Variants in VPS13C observed in about 807,000 individuals in gnomAD.
VPS13C encodes vacuolar protein sorting 13 homolog C.
VPS13C carries 358 observed loss-of-function variants against 456.8 expected under a neutral mutation model. That is an observed-to-expected ratio of 0.78 (90% CI 0.72 to 0.86). The LOEUF (loss-of-function observed/expected upper bound fraction) is 0.86, where lower values mean the gene tolerates loss of function less well. Ranked by LOEUF, VPS13C falls within the 40% of genes least tolerant of loss-of-function variation. VPS13C has a pLI of 0.00. For synonymous variants in VPS13C, 1,578 were observed against 1,486.7 expected (o/e 1.06, Z -1.41); for missense variants, 4,818 against 4,385.4 (o/e 1.10, Z -2.79).
rs1596300027 is a variant in VPS13C at position 61,892,933 on chromosome 15, TAC to T, written c.9106-2535_9106-2534del. 2.0e-5 allele frequency among the ~76,000 whole-genome samples: 3 copies of T among 151,736 alleles called. 1 individual carries two copies. In the East Asian group the frequency reaches 5.8e-4, roughly 29 times the overall value. On this transcript the variant is annotated intron_variant, in intron 66 of 84. Transcript: ENST00000644861. ...AGCTCTAAGACAGGCTATTGGAAAA[TAC>T]ACAGAGGAGAAAACAGAATAAAAAA...
chr15:61,881,817 C>G lies in VPS13C; in HGVS notation c.9636G>C (p.Gln3212His), dbSNP rs1446762567. ...CAACAGGGAACATTGCACCTGGTAACTGATTATCAACCTGAAAGAAAAGAA... is the reference window on the plus strand; with the variant it reads ...CAACAGGGAACATTGCACCTGGTAAGTGATTATCAACCTGAAAGAAAAGAA... ...ARLYWLQVDN[Q>H]LPGAMFPVVF... is the part of the protein sequence containing the mutation. Residue 3212 changes from glutamine to histidine, a missense_variant, in exon 70 of 85, where the codon CAG becomes CAC. Gln to His is a conservative substitution (Grantham distance 24). This residue lies in a region of VPS13C where 4,552 missense variants were observed against 4,130.6 expected (regional missense o/e 1.10). Transcript: ENST00000644861. 82 of 1,589,450 alleles carry G rather than the reference C, an allele frequency of 5.2e-5. No homozygotes were observed. Among genetic ancestry groups the G allele is most frequent in the Non-Finnish European group, 7.0e-5 (82 of 1,174,012 alleles).
intron 49 of VPS13C, among the ~76,000 whole-genome samples, chr15:61,932,919 C>G (rs2044109413): frequency 6.6e-6 from 1 of 151,928 alleles, no homozygotes; most frequent in Non-Finnish European, 1.5e-5. Context: ...ATATGAAATT[C>G]AGATTATATA....
intron 67 of VPS13C, among the ~76,000 whole-genome samples, chr15:61,888,575 A>G (rs930451672): frequency 4.6e-5 from 7 of 152,184 alleles, no homozygotes; most frequent in African/African-American, 1.4e-4. Flanking sequence ...TTAAAAGCAT[A>G]TTGCTAAGTG....
In VPS13C at chr15:61,853,487, T is replaced by C. The variant is rs11555594; in HGVS notation, c.*970A>G. The C allele has an allele frequency of 6.9e-3, 1,046 of 152,258 alleles. 9 individuals are homozygous for C. The highest frequency in any genetic ancestry group is 0.024 in the African/African-American group (1,003 of 41,542). The allele number at this position is 152,258 out of a possible 1,614,324, so 9.4% of individuals were successfully genotyped here. ...GAATGCTACATTACAGAGGGCAGAG[T>C]GTAGCTATTTTAAGGTTTGATTGTC... On this transcript the variant is annotated 3_prime_UTR_variant, in exon 85 of 85. Coordinates refer to ENST00000644861, the MANE Select transcript of VPS13C (RefSeq NM_020821.3).
intron 24 of VPS13C, among the ~76,000 whole-genome samples, 195 bp downstream of exon 24, chr15:61,976,887 C>A (rs1332651259): frequency 6.6e-6 from 1 of 151,844 alleles, no homozygotes; most frequent in Non-Finnish European, 1.5e-5. Context: ...ATGTAAAAGT[C>A]CAAATATTTC....
intron 16 of VPS13C, among the ~76,000 whole-genome samples, chr15:61,998,535 G>C (rs2046472547): frequency 6.6e-6 from 1 of 152,092 alleles, no homozygotes; most frequent in South Asian, 2.1e-4. Context: ...ATAACCCTAA[G>C]ACATAGGTAC....
chr15:61,885,408 T>C (rs955031960), intron 67 of VPS13C, among the ~76,000 whole-genome samples: 2 of 152,062 alleles, frequency 1.3e-5, no homozygotes, highest in African/African-American at 4.8e-5. Context: ...GTCATAGTGG[T>C]TGAGGGTGGT....
At chr15:62,002,109 G>C (rs953781817) in intron 15 of VPS13C, among the ~76,000 whole-genome samples, 1 of 152,134 alleles carries the variant, frequency 6.6e-6, no homozygotes, top group Non-Finnish European at 1.5e-5. Context: ...CTTCCACAAT[G>C]GTTGAACTAG....
chr15:62,016,612 T>C (rs2047260105), intron 9 of VPS13C, among the ~76,000 whole-genome samples: 1 of 152,062 alleles, frequency 6.6e-6, no homozygotes, highest in African/African-American at 2.4e-5. Context: ...CATCATTTTT[T>C]ATGGCTGCAT....
Position 61,862,734 on chromosome 15 carries a change from T to G in VPS13C, c.10952+706A>C, listed in dbSNP as rs569878886. ...TACATGAGGATTCTGACATGACTGG[T>G]TAACCTCTCTTATCCTGTCATTCAG... On this transcript the variant is annotated intron_variant, in intron 82 of 84. Coordinates refer to ENST00000644861, the MANE Select transcript of VPS13C (RefSeq NM_020821.3). 2.0e-5 allele frequency among the ~76,000 whole-genome samples: 3 copies of G among 152,270 alleles called. No homozygotes were observed. In the East Asian group the frequency reaches 5.8e-4, roughly 29 times the overall value.
At chr15:61,882,468 G>T in intron 69 of VPS13C, 128 bp downstream of exon 69, 2 of 965,100 alleles carry the variant, frequency 2.1e-6, no homozygotes, top group Non-Finnish European at 1.4e-6. Flanking sequence ...TGTGGAAAAA[G>T]GGGAAAAAAC....
intron 81 of VPS13C, chr15:61,864,325 AT>A: frequency 4.5e-6 from 4 of 879,982 alleles, no homozygotes; most frequent in Non-Finnish European, 5.5e-6. Flanking sequence ...ATTAAAACAC[AT>A]TTATTTTCCT....
chr15:62,014,932 C>T (rs2047174706), intron 9 of VPS13C, among the ~76,000 whole-genome samples: 1 of 152,114 alleles, frequency 6.6e-6, no homozygotes, highest in African/African-American at 2.4e-5. Flanking sequence ...TGAGTAGAAT[C>T]ACCAGGCAGA....
intron 35 of VPS13C, among the ~76,000 whole-genome samples, chr15:61,960,317 A>G (rs1038197835): frequency 5.9e-5 from 9 of 152,204 alleles, no homozygotes; most frequent in African/African-American, 2.2e-4. Context: ...GAACTACTCC[A>G]AAATAAATTT....
At chr15:62,023,585 C>G in intron 7 of VPS13C, 65 bp from the exon 8 acceptor site, 1 of 1,281,678 alleles carries the variant, frequency 7.8e-7, no homozygotes, top group Non-Finnish European at 1.1e-6. Flanking sequence ...AAATTAATAA[C>G]CAAAGGATAG....
chr15:61,906,719 G>A (rs975618138), intron 66 of VPS13C: 1 of 157,160 alleles, frequency 6.4e-6, no homozygotes, highest in African/African-American at 2.4e-5. Context: ...TCCTATATCA[G>A]ATGGGAGGAT....
At chr15:61,874,169 AG>A (rs71431414) in intron 77 of VPS13C, among the ~76,000 whole-genome samples, 1 of 152,030 alleles carries the variant, frequency 6.6e-6, no homozygotes, top group African/African-American at 2.4e-5. Flanking sequence ...TGGTTATTAA[AG>A]GCTGAGATGG....
intron 71 of VPS13C, 140 bp downstream of exon 71, chr15:61,881,423 A>T: frequency 1.3e-6 from 1 of 782,210 alleles, no homozygotes; most frequent in Non-Finnish European, 1.9e-6. Context: ...ATAAAAGATT[A>T]CTTGACCAAA....
chr15:61,887,937 T>C (rs1188537596), intron 67 of VPS13C, among the ~76,000 whole-genome samples: 1 of 152,136 alleles, frequency 6.6e-6, no homozygotes, highest in Non-Finnish European at 1.5e-5. Context: ...AAAAAGTATT[T>C]GCAAAACACA....
Sources: allele counts gnomAD v4.1 joint callset (sites outside exome capture counted in the v4.1 genomes callset), GRCh38; gene constraint gnomAD v4.1.1; regional missense constraint gnomAD v4.1.1; transcripts MANE v1.5; gene names NCBI Gene and HGNC (gene_info 2026-07-23, HGNC 2026-07-21).